BSN: variants seen among roughly 807,000 people sequenced by gnomAD.
BSN encodes the protein protein bassoon.
In BSN, 57 loss-of-function variants were observed where a neutral mutation model predicts 264.8. That is an observed-to-expected ratio of 0.22 (90% CI 0.17 to 0.27). The LOEUF (loss-of-function observed/expected upper bound fraction) is 0.27, where lower values mean the gene tolerates loss of function less well. Among genes scored for constraint, BSN ranks in the 10% least tolerant of loss-of-function variants. The probability of loss-of-function intolerance (pLI) is 1.00; values close to 1 mark genes in which losing one functional copy is unlikely to be tolerated. For synonymous variants in BSN, 2,059 were observed against 2,137.3 expected (o/e 0.96, Z 1.01); for missense variants, 4,615 against 5,232.5 (o/e 0.88, Z 3.64).
At chr3:49,564,707 C>T (rs1201609352) in intron 1 of BSN, among the ~76,000 whole-genome samples, 1 of 152,154 alleles carries the variant, frequency 6.6e-6, no homozygotes, top group African/African-American at 2.4e-5. Flanking sequence ...AGGGTGTTCT[C>T]ATGCTGCAAG....
Position 49,654,704 on chromosome 3 carries a change from C to T in BSN, c.5148C>T (p.Ile1716=). Residue 1716 remains isoleucine, a synonymous_variant, in exon 5 of 12, where the codon ATC becomes ATT. Transcript: ENST00000296452. This position sits in a 1 kb window ranked among gnomAD's most constrained non-coding sequence, Gnocchi z 4.1. ...RQSTAVQPLV[I]NLNAQEHTFL... ...CGACCGCCGTGCAGCCCTTGGTTAT[C>T]AACCTCAATGCCCAGGAGCATACCT... is the stretch of plus-strand genomic sequence containing the variant. 3.1e-6 allele frequency: 5 copies of T among 1,613,728 alleles called. No individual in the cohort carries two copies. The highest frequency in any genetic ancestry group is 4.2e-6 in the Non-Finnish European group (5 of 1,180,030).
rs1017713426 is a variant in BSN, at chr3:49,662,930, G to T, written c.10772G>T (p.Arg3591Leu). Residue 3591 changes from arginine (R) to leucine (L), a missense_variant, in exon 7 of 12, where the codon CGC becomes CTC. Physicochemically the swap from Arg to Leu is moderately radical, Grantham distance 102. Coordinates refer to ENST00000296452, the MANE Select transcript of BSN (RefSeq NM_003458.4). ...TGGTTTGATAAGCCCCGGGATGCCC[G>T]CTCTGACCGGTTCAGGCACCACGGG... ...TDWFDKPRDA[R>L]SDRFRHHGGH... 4 of 1,613,018 alleles carry T rather than the reference G, an allele frequency of 2.5e-6. No individual in the cohort carries two copies. The highest frequency in any genetic ancestry group is 1.7e-4 in the Middle Eastern group (1 of 6,052).
At chr3:49,633,623 T>C (rs922883522) in intron 2 of BSN, among the ~76,000 whole-genome samples, 1 of 152,204 alleles carries the variant, frequency 6.6e-6, no homozygotes, top group Non-Finnish European at 1.5e-5. Context: ...GAGATATTTG[T>C]ACACCCATGT....
Position 49,655,203 on chromosome 3 carries a change from C to A in BSN, c.5647C>A (p.Pro1883Thr). The change falls in exon 5 of 12, where the codon CCT (proline) becomes ACT (threonine). Residue 1883 changes from proline to threonine, a missense_variant. Physicochemically the swap from Pro to Thr is conservative, Grantham distance 38 (BLOSUM62 -1). Coordinates refer to ENST00000296452, the MANE Select transcript of BSN (RefSeq NM_003458.4). ...GTVTTLLPEE[P>T]AGALDLTGMR... ...TGTGACCACACTGCTCCCAGAGGAG[C>A]CTGCGGGTGCCCTGGACCTTACCGG... 4.3e-6 allele frequency: 7 copies of A among 1,612,998 alleles called. No homozygotes were observed. The South Asian group carries it at 7.7e-5, about 18-fold the overall frequency.
chr3:49,593,549 T>C (rs1248711790), intron 1 of BSN, among the ~76,000 whole-genome samples: 1 of 152,228 alleles, frequency 6.6e-6, no homozygotes, highest in African/African-American at 2.4e-5. Context: ...TCTGCATCTT[T>C]GTAAGTATTT....
In BSN at chr3:49,661,471, G is replaced by A. The variant is rs892582756; in HGVS notation, c.9626G>A (p.Ser3209Asn). Residue 3209 changes from serine (S) to asparagine (N), a missense_variant, in exon 6 of 12, where the codon AGC becomes AAC. Around this residue, in one of 3 missense-constraint regions of BSN, gnomAD observed 3,415 missense variants for 3,866.4 expected, o/e 0.88. Transcript: ENST00000296452. ...GGTGACCGTGGCAGTGTGAGCCAGA[G>A]CCCAGCCCCCACCTACCCCTCTGAC... ...RAGDRGSVSQ[S>N]PAPTYPSDSH... is the part of the protein sequence containing the mutation. The A allele has an allele frequency of 5.0e-6, 8 of 1,613,160 alleles. No individual in the cohort carries two copies. Among genetic ancestry groups the A allele is most frequent in the Admixed American group, 3.3e-5 (2 of 59,952 alleles).
At chr3:49,558,259 A>G (rs921590390) in intron 1 of BSN, among the ~76,000 whole-genome samples, 2 of 152,256 alleles carry the variant, frequency 1.3e-5, no homozygotes, top group Non-Finnish European at 2.9e-5. Flanking sequence ...ACAGGCAGGG[A>G]CAGTGAGCAG....
intron 1 of BSN, among the ~76,000 whole-genome samples, chr3:49,584,683 A>C (rs2051920877): frequency 6.6e-6 from 1 of 152,202 alleles, no homozygotes; most frequent in South Asian, 2.1e-4. Flanking sequence ...GTTATTATTG[A>C]CTATAGTCAC....
At position 49,638,268 on chromosome 3, in the gene BSN, G is replaced by A. The variant is rs1217101939; in HGVS notation, c.634-4000G>A. Among the ~76,000 whole-genome samples, 1 of 141,488 alleles carries A rather than the reference G, an allele frequency of 7.1e-6. No individual in the cohort carries two copies. Among genetic ancestry groups the A allele is most frequent in the East Asian group, 2.4e-4 (1 of 4,094 alleles). The allele number at this position is 141,488 out of a possible 152,430, so 92.8% of individuals were successfully genotyped here. A position where few individuals can be genotyped will look rare whatever the true frequency, so the allele number is the denominator to read the frequency against. The stretch of plus-strand genomic sequence containing the variant: ...TAACTGTACTGGCACTCAGGCCAGT[G>A]GAGTCTGCCACAGAACTATTCATGT... On this transcript the variant is annotated intron_variant, in intron 2 of 11. Coordinates refer to ENST00000296452, the MANE Select transcript of BSN (RefSeq NM_003458.4). This position sits in a 1 kb window ranked among gnomAD's most constrained non-coding sequence, Gnocchi z 4.3.
At position 49,604,514 on chromosome 3, in the gene BSN, G is replaced by T. The variant is rs558035500; in HGVS notation, c.225-20461G>T. ...AAATTTCACTTATCGTTTCTTGAAG[G>T]TTCATCCATATTGTAGCATGTATCA... On this transcript the variant is annotated intron_variant, in intron 1 of 11. Coordinates refer to ENST00000296452, the MANE Select transcript of BSN (RefSeq NM_003458.4). 5.3e-5 allele frequency among the ~76,000 whole-genome samples: 8 copies of T among 152,210 alleles called. No individual in the cohort carries two copies. The South Asian group carries it at 1.5e-3, about 28-fold the overall frequency.
At chr3:49,606,685 C>A (rs987281157) in intron 1 of BSN, among the ~76,000 whole-genome samples, 2 of 152,090 alleles carry the variant, frequency 1.3e-5, no homozygotes, top group African/African-American at 4.8e-5. Flanking sequence ...CCACCTCCCC[C>A]TTTTGTATTT....
chr3:49,594,556 AGTATACTGTTTTTATTAC>A (rs1335404781), intron 1 of BSN, among the ~76,000 whole-genome samples: 2 of 152,178 alleles, frequency 1.3e-5, no homozygotes, highest in African/African-American at 4.8e-5. Flanking sequence ...TTCCACCAGT[AGTATACTGTTTTTATTAC>A]TGTAGCTACA....
Position 49,599,877 on chromosome 3 carries a change from T to G in BSN, c.225-25098T>G, listed in dbSNP as rs556634291. On this transcript the variant is annotated intron_variant, in intron 1 of 11. Coordinates refer to ENST00000296452, the MANE Select transcript of BSN (RefSeq NM_003458.4). ...TAGGAATTTTCCTGGGTGGGTAACATGGACTCTGTCGTTAAGGATTTGTCC... is the reference window on the plus strand; with the variant it reads ...TAGGAATTTTCCTGGGTGGGTAACAGGGACTCTGTCGTTAAGGATTTGTCC... 3.2e-4 allele frequency among the ~76,000 whole-genome samples: 49 copies of G among 152,326 alleles called. 1 individual carries two copies. Among genetic ancestry groups the G allele is most frequent in the Middle Eastern group, 6.8e-3 (2 of 294 alleles).
At chr3:49,633,937 T>C (rs904674158) in intron 2 of BSN, among the ~76,000 whole-genome samples, 1 of 151,630 alleles carries the variant, frequency 6.6e-6, no homozygotes, top group African/African-American at 2.4e-5. Context: ...CCGGGTGCAG[T>C]GGCTCATGCC....
chr3:49,554,785 T>TGGCCCCGGCCCC lies in BSN; in HGVS notation c.192_203dup (p.Pro71_Gly74dup). ...GGTCGACCGCGGTACCACCGGTCCC[T>TGGCCCCGGCCCC]GGCCCCGGCCCCGGCCCCGGTCCCG... is the stretch of plus-strand genomic sequence containing the variant. On this transcript the variant is annotated inframe_insertion, in exon 1 of 12. Transcript: ENST00000296452. The TGGCCCCGGCCCC allele has an allele frequency of 2.5e-6, 3 of 1,211,506 alleles. No individual in the cohort carries two copies. Among genetic ancestry groups the TGGCCCCGGCCCC allele is most frequent in the Non-Finnish European group, 3.1e-6 (3 of 975,706 alleles). 75.0% of individuals were successfully genotyped at this position (1,211,506 alleles called of 1,614,324 possible). A position where few individuals can be genotyped will look rare whatever the true frequency, so the allele number is the denominator to read the frequency against.
intron 1 of BSN, among the ~76,000 whole-genome samples, chr3:49,606,805 A>T (rs1424004896): frequency 6.6e-6 from 1 of 152,000 alleles, no homozygotes; most frequent in Non-Finnish European, 1.5e-5. Context: ...GCTGGGTAAA[A>T]ACCTGACCAT....
intron 1 of BSN, among the ~76,000 whole-genome samples, chr3:49,586,107 G>A (rs1255060753): frequency 6.6e-6 from 1 of 152,106 alleles, no homozygotes; most frequent in Non-Finnish European, 1.5e-5. Flanking sequence ...TTAACTTGAT[G>A]TGATTCCATT....
Position 49,654,448 on chromosome 3 carries a change from G to T in BSN, c.4892G>T (p.Gly1631Val), listed in dbSNP as rs748474847. The T allele has an allele frequency of 6.2e-7, 1 of 1,603,782 alleles. No homozygotes were observed. The highest frequency in any genetic ancestry group is 1.1e-5 in the South Asian group (1 of 88,448). The change falls in exon 5 of 12, where the codon GGC (glycine) becomes GTC (valine). Residue 1631 changes from glycine to valine, a missense_variant. Coordinates refer to ENST00000296452, the MANE Select transcript of BSN (RefSeq NM_003458.4). The surrounding 1 kb of genome is among the most constrained non-coding windows in gnomAD (Gnocchi z 4.1). ...AGADGPLALY[G>V]WGALPAENIS... ...GCAGATGGGCCCCTGGCACTATATGGCTGGGGTGCCCTCCCTGCTGAGAAC... is the reference window on the plus strand; with the variant it reads ...GCAGATGGGCCCCTGGCACTATATGTCTGGGGTGCCCTCCCTGCTGAGAAC...
intron 8 of BSN, 59 bp from the exon 9 acceptor site, chr3:49,664,364 C>T: frequency 6.2e-7 from 1 of 1,612,236 alleles, no homozygotes; most frequent in Non-Finnish European, 8.5e-7. Flanking sequence ...TACTTGCCCT[C>T]TTAGACCCTA....
Sources: gnomAD v4.1 joint callset for allele counts (sites outside exome capture counted in the v4.1 genomes callset) on GRCh38, gnomAD v4.1.1 for gene constraint, gnomAD v4.1.1 regional missense constraint, Gnocchi (gnomAD v3.1) non-coding constraint, MANE v1.5 for transcripts, NCBI Gene and HGNC (gene_info 2026-07-23, HGNC 2026-07-21) for gene names.